ENTPD7: variants seen among roughly 807,000 people sequenced by gnomAD.
ENTPD7 encodes NTPDase 7.
ENTPD7 carries 53 observed loss-of-function variants against 77.9 expected under a neutral mutation model. The ratio of observed to expected loss-of-function variants is 0.68; its 90% CI spans 0.55 to 0.85. The LOEUF is 0.85. Ranked by LOEUF, ENTPD7 falls within the 40% of genes least tolerant of loss-of-function variation. The pLI, the probability that ENTPD7 is intolerant of heterozygous loss-of-function variation, is 0.00. For missense variants in ENTPD7, 636 were observed against 743.7 expected (o/e 0.86, Z 1.68); for synonymous variants, 248 against 274.9 (o/e 0.90, Z 0.97).
chr10:99,709,774 G>T lies in ENTPD7; in HGVS notation c.*5091G>T, dbSNP rs542520901. On this transcript the variant is annotated 3_prime_UTR_variant, in exon 13 of 13. Transcript: ENST00000370489. The stretch of plus-strand genomic sequence containing the variant: ...CCTTATATCCTAATAGACTTCTCTT[G>T]TGTTATTACACATTTCTCTTTTGCT... The T allele has an allele frequency of 1.7e-5, 17 of 985,226 alleles. No individual in the cohort carries two copies. The African/African-American group carries it at 2.3e-4, about 13-fold the overall frequency. The allele number at this position is 985,226 out of a possible 1,614,324, so 61.0% of individuals were successfully genotyped here. A position where few individuals can be genotyped will look rare whatever the true frequency, so the allele number is the denominator to read the frequency against.
Position 99,706,517 on chromosome 10 carries a change from T to A in ENTPD7, c.*1834T>A, listed in dbSNP as rs2036257383. ...CACTCAGCTAATTTTTTATTTTATT[T>A]TTTTAGAGATGGAGTCTGTGTTGTC... On this transcript the variant is annotated 3_prime_UTR_variant, in exon 13 of 13. Coordinates refer to ENST00000370489, the MANE Select transcript of ENTPD7 (RefSeq NM_020354.5). Among the ~76,000 whole-genome samples the A allele has an allele frequency of 6.6e-6, 1 of 152,074 alleles. No individual in the cohort carries two copies. The highest frequency in any genetic ancestry group is 2.1e-4 in the South Asian group (1 of 4,816).
Position 99,694,538 on chromosome 10 carries a change from G to T in ENTPD7, c.844-1418G>T, listed in dbSNP as rs377299727. ...TTTTTCTATGTACATAAGTTTTTTT[G>T]TTTTTTTTTTTTTTTGAGATGGGGT... On this transcript the variant is annotated intron_variant, in intron 8 of 12. Coordinates refer to ENST00000370489, the MANE Select transcript of ENTPD7 (RefSeq NM_020354.5). Among the ~76,000 whole-genome samples the T allele has an allele frequency of 1.9e-3, 261 of 134,360 alleles. 2 individuals carry two copies. Among genetic ancestry groups the T allele is most frequent in the Middle Eastern group, 7.6e-3 (2 of 262 alleles). 88.1% of individuals were successfully genotyped at this position (134,360 alleles called of 152,430 possible).
intron 11 of ENTPD7, among the ~76,000 whole-genome samples, chr10:99,701,468 T>C (rs1165373417): frequency 6.6e-6 from 1 of 151,686 alleles, no homozygotes; most frequent in East Asian, 2.0e-4. Context: ...TTGTATTTTT[T>C]TGTAGAGACG....
At chr10:99,703,515 C>T (rs561961755) in intron 12 of ENTPD7, among the ~76,000 whole-genome samples, 11 of 152,260 alleles carry the variant, frequency 7.2e-5, no homozygotes, top group South Asian at 4.1e-4. Flanking sequence ...TTTAGAGATT[C>T]GCATTCTAGA....
In ENTPD7 at chr10:99,701,866, G is replaced by A. The variant is rs556245155; in HGVS notation, c.1422-646G>A. Among the ~76,000 whole-genome samples, 3 of 151,832 alleles carry A rather than the reference G, an allele frequency of 2.0e-5. No homozygotes were observed. The East Asian group carries it at 5.9e-4, about 30-fold the overall frequency. On this transcript the variant is annotated intron_variant, in intron 11 of 12. Coordinates refer to ENST00000370489, the MANE Select transcript of ENTPD7 (RefSeq NM_020354.5). Reference sequence around the variant, plus strand: ...AGTTCAAGACCAGCCTGGCTAACATGGCGAAACCCTGTCTCCACTAAAAAT... The same window carrying A: ...AGTTCAAGACCAGCCTGGCTAACATAGCGAAACCCTGTCTCCACTAAAAAT...
chr10:99,691,466 T>C lies in ENTPD7; in HGVS notation c.791T>C (p.Leu264Pro), dbSNP rs747188963. 16 of 1,614,002 alleles carry C rather than the reference T, an allele frequency of 9.9e-6. No individual in the cohort carries two copies. Among genetic ancestry groups the C allele is most frequent in the Non-Finnish European group, 1.4e-5 (16 of 1,180,008 alleles). ...VGILDMGGAS[L>P]QIAYEVPTST... ...ATACTGGATATGGGAGGAGCCTCTC[T>C]CCAAATTGCTTATGAAGTTCCTACC... The change falls in exon 8 of 13, where the codon CTC becomes CCC. Residue 264 changes from leucine to proline, a missense_variant. Leu to Pro is a moderately conservative substitution (Grantham distance 98, BLOSUM62 -3). Transcript: ENST00000370489.
intron 3 of ENTPD7, among the ~76,000 whole-genome samples, chr10:99,669,201 C>G (rs2035588287): frequency 6.6e-6 from 1 of 151,952 alleles, no homozygotes; most frequent in Admixed American, 6.6e-5. Context: ...ATGGTCTTGA[C>G]AAATAAGGCA....
intron 3 of ENTPD7, among the ~76,000 whole-genome samples, chr10:99,672,419 C>T (rs2133449518): frequency 6.6e-6 from 1 of 151,938 alleles, no homozygotes; most frequent in African/African-American, 2.4e-5. Flanking sequence ...AATCCTCTCA[C>T]CTCAGTCCCC....
intron 5 of ENTPD7, among the ~76,000 whole-genome samples, chr10:99,680,953 T>G (rs1207104703): frequency 6.6e-6 from 1 of 152,230 alleles, no homozygotes; most frequent in Non-Finnish European, 1.5e-5. Context: ...CAGTGCTTAT[T>G]CATCTTGCTT....
At chr10:99,679,598 C>A in intron 4 of ENTPD7, 127 bp from the exon 5 acceptor site, 1 of 1,418,370 alleles carries the variant, frequency 7.1e-7, no homozygotes, top group South Asian at 1.4e-5. Context: ...TTCATTGTCA[C>A]CCCCTACCTC....
At chr10:99,676,386 G>T (rs1175718733) in intron 3 of ENTPD7, among the ~76,000 whole-genome samples, 2 of 152,064 alleles carry the variant, frequency 1.3e-5, no homozygotes, top group Non-Finnish European at 2.9e-5. Flanking sequence ...GGAGTCCTAA[G>T]GCCCCCAAAT....
At chr10:99,678,320 T>G (rs1009086814) in intron 3 of ENTPD7, among the ~76,000 whole-genome samples, 2 of 151,064 alleles carry the variant, frequency 1.3e-5, no homozygotes, top group Non-Finnish European at 1.5e-5. Context: ...TACAAAAAAT[T>G]AGCCAGGCGT....
rs532839876 is a variant in ENTPD7, at chr10:99,665,258, A to G, written c.191+3630A>G. 8.5e-3 allele frequency among the ~76,000 whole-genome samples: 1,228 copies of G among 145,220 alleles called. 17 individuals carry two copies. The highest frequency in any genetic ancestry group is 0.031 in the African/African-American group (1,103 of 36,034). The stretch of plus-strand genomic sequence containing the variant: ...ACAGAGTGAGACCCTGTCTCAAAGA[A>G]AAAAAAAAAAAGAGAAGAAAAACAG... On this transcript the variant is annotated intron_variant, in intron 3 of 12. Coordinates refer to ENST00000370489, the MANE Select transcript of ENTPD7 (RefSeq NM_020354.5).
chr10:99,682,865 G>A (rs1296054477), intron 5 of ENTPD7, among the ~76,000 whole-genome samples: 2 of 152,190 alleles, frequency 1.3e-5, no homozygotes, highest in African/African-American at 4.8e-5. Flanking sequence ...AGGTTAAAAA[G>A]GCAGAATTGA....
At chr10:99,698,430 A>G (rs1200763234) in intron 9 of ENTPD7, 104 bp from the exon 10 acceptor site, 1 of 1,140,566 alleles carries the variant, frequency 8.8e-7, no homozygotes, top group African/African-American at 1.6e-5. Flanking sequence ...AGATATCATG[A>G]AAACCAGTAG....
At chr10:99,682,314 A>G (rs1017372312) in intron 5 of ENTPD7, among the ~76,000 whole-genome samples, 1 of 152,190 alleles carries the variant, frequency 6.6e-6, no homozygotes, top group African/African-American at 2.4e-5. Context: ...TATGTCAGAC[A>G]TGTAGACAAC....
intron 3 of ENTPD7, among the ~76,000 whole-genome samples, chr10:99,673,216 G>A (rs2133450436): frequency 6.6e-6 from 1 of 152,218 alleles, no homozygotes; most frequent in East Asian, 1.9e-4. Flanking sequence ...TGGGCTTTTG[G>A]TCCTCTTTAG....
rs187437460 is a variant in ENTPD7, at chr10:99,704,837, C to T, written c.*154C>T. ...TTACTTTCTACCGTAATTCCTTCTC[C>T]GTACCCAGGTCTTCTCTGAGAGAAG... is the stretch of plus-strand genomic sequence containing the variant. On this transcript the variant is annotated 3_prime_UTR_variant, in exon 13 of 13. Coordinates refer to ENST00000370489, the MANE Select transcript of ENTPD7 (RefSeq NM_020354.5). 1.5e-5 allele frequency: 10 copies of T among 685,648 alleles called. No homozygotes were observed. The highest frequency in any genetic ancestry group is 8.2e-5 in the East Asian group (3 of 36,752). The allele number at this position is 685,648 out of a possible 1,614,324, so 42.5% of individuals were successfully genotyped here. A position where few individuals can be genotyped will look rare whatever the true frequency, so the allele number is the denominator to read the frequency against.
At chr10:99,664,625 A>C (rs767035445) in intron 3 of ENTPD7, among the ~76,000 whole-genome samples, 8 of 149,864 alleles carry the variant, frequency 5.3e-5, no homozygotes, top group Non-Finnish European at 1.2e-4. Context: ...AATTTTTTGT[A>C]TTTTTAATAG....
Sources: allele counts gnomAD v4.1 joint callset (sites outside exome capture counted in the v4.1 genomes callset), GRCh38; gene constraint gnomAD v4.1.1; transcripts MANE v1.5; gene names NCBI Gene and HGNC (gene_info 2026-07-23, HGNC 2026-07-21).